STK35: variants seen among roughly 807,000 people sequenced by gnomAD.
STK35 encodes serine/threonine kinase 35.
A neutral mutation model predicts 37.3 loss-of-function variants in STK35; 17 were observed. That is an observed-to-expected ratio of 0.46 (90% CI 0.31 to 0.68). The LOEUF (loss-of-function observed/expected upper bound fraction) is 0.68, where lower values mean the gene tolerates loss of function less well. STK35 is among the 30% of genes least tolerant of loss of function. STK35 has a pLI of 0.05. For missense variants in STK35, 595 were observed against 746.7 expected (o/e 0.80, Z 2.37); for synonymous variants, 385 against 319.1 (o/e 1.21, Z -2.20).
At chr20:2,135,361 G>C (rs1315477776) in intron 3 of STK35, among the ~76,000 whole-genome samples, 2 of 152,294 alleles carry the variant, frequency 1.3e-5, no homozygotes, top group African/African-American at 4.8e-5. Context: ...GGCTGGTGGT[G>C]CTCAGTTCCT....
intron 3 of STK35, among the ~76,000 whole-genome samples, chr20:2,127,256 GT>G (rs567328826): frequency 4.8e-5 from 7 of 146,100 alleles, no homozygotes; most frequent in East Asian, 4.0e-4. Context: ...GCACCCCTTT[GT>G]TTTTTTTTTT....
chr20:2,103,726 C>T (rs553325728), intron 2 of STK35, among the ~76,000 whole-genome samples: 3 of 152,228 alleles, frequency 2.0e-5, no homozygotes, highest in South Asian at 2.1e-4. Flanking sequence ...ACTGCGGAGC[C>T]TCCTCACCCC....
At position 2,102,868 on chromosome 20, in the gene STK35, C is replaced by A; in HGVS notation, c.395C>A (p.Ala132Glu). 1 of 1,562,530 alleles carries A rather than the reference C, an allele frequency of 6.4e-7. No individual in the cohort carries two copies. Among genetic ancestry groups the A allele is most frequent in the Non-Finnish European group, 8.6e-7 (1 of 1,162,368 alleles). ...AAPLLLPPPPAAMETGKDGAR... is the reference protein window; with the variant it reads ...AAPLLLPPPPEAMETGKDGAR... Reference sequence around the variant, plus strand: ...CCGTTGCTGCTCCCCCCGCCGCCCGCAGCCATGGAAACGGGGAAGGACGGC... The same window carrying A: ...CCGTTGCTGCTCCCCCCGCCGCCCGAAGCCATGGAAACGGGGAAGGACGGC... Residue 132 changes from alanine (A) to glutamate (E), a missense_variant, in exon 2 of 4, where the codon GCA (alanine) becomes GAA (glutamate). By Grantham distance (107) the Ala-to-Glu change is moderately radical. This residue lies in a region of STK35 where 389 missense variants were observed against 320.0 expected (regional missense o/e 1.22). Transcript: ENST00000381482.
intron 3 of STK35, among the ~76,000 whole-genome samples, chr20:2,118,563 CAG>C (rs1433255027): frequency 6.7e-6 from 1 of 150,302 alleles, no homozygotes; most frequent in Non-Finnish European, 1.5e-5. Context: ...GCCTGGGCAA[CAG>C]AGCGAGACTC....
intron 2 of STK35, among the ~76,000 whole-genome samples, chr20:2,112,704 T>G (rs1985642847): frequency 6.6e-6 from 1 of 152,164 alleles, no homozygotes; most frequent in Admixed American, 6.5e-5. Flanking sequence ...ACTTTTAAAA[T>G]AGTACCTGGA....
rs753478944 is a variant in STK35, at chr20:2,117,172, A to G, written c.1399A>G (p.Ile467Val). Reference sequence around the variant, plus strand: ...CAAGAAGGAGCTCCTGGGGACCTACATTAAACAGGGGACTGAGATCGTCCC... The same window carrying G: ...CAAGAAGGAGCTCCTGGGGACCTACGTTAAACAGGGGACTGAGATCGTCCC... ...ETKKELLGTY[I>V]KQGTEIVPVG... The change falls in exon 3 of 4, where the codon ATT becomes GTT. Residue 467 changes from isoleucine (I) to valine (V), a missense_variant. Ile to Val is a conservative substitution (Grantham distance 29). This residue lies in a region of STK35 where 109 missense variants were observed against 280.3 expected (regional missense o/e 0.39). Transcript: ENST00000381482. This position sits in a 1 kb window ranked among gnomAD's most constrained non-coding sequence, Gnocchi z 4.4. 1 of 1,614,152 alleles carries G rather than the reference A, an allele frequency of 6.2e-7. No individual in the cohort carries two copies. The highest frequency in any genetic ancestry group is 8.5e-7 in the Non-Finnish European group (1 of 1,180,022).
Position 2,103,060 on chromosome 20 carries a change from G to T in STK35, c.587G>T (p.Gly196Val), listed in dbSNP as rs750111661. 1 of 1,568,736 alleles carries T rather than the reference G, an allele frequency of 6.4e-7. No homozygotes were observed. The highest frequency in any genetic ancestry group is 1.1e-5 in the South Asian group (1 of 87,122). Residue 196 changes from glycine (G) to valine (V), a missense_variant, in exon 2 of 4, where the codon GGG becomes GTG. Coordinates refer to ENST00000381482, the MANE Select transcript of STK35 (RefSeq NM_080836.4). ...CGGCGACGGCCTGAGGGCGGTGGCG[G>T]GTCCGCGCGGCCGCGTTACAGCCTG... The part of the protein sequence containing the change: ...LARRRPEGGG[G>V]SARPRYSLLA...
chr20:2,117,313 C>G lies in STK35; in HGVS notation c.1540C>G (p.Pro514Ala). The change falls in exon 3 of 4, where the codon CCA (proline) becomes GCA (alanine). Residue 514 changes from proline to alanine, a missense_variant. By Grantham distance (27) the Pro-to-Ala change is conservative. Around this residue, in one of 3 missense-constraint regions of STK35, gnomAD observed 109 missense variants for 280.3 expected, o/e 0.39. Transcript: ENST00000381482. This position sits in a 1 kb window ranked among gnomAD's most constrained non-coding sequence, Gnocchi z 4.4. ...CTTGAAAGATATGTTAGCTGCTAACCCACAGGACCGGCCTGATGCCTTTGA... is the reference window on the plus strand; with the variant it reads ...CTTGAAAGATATGTTAGCTGCTAACGCACAGGACCGGCCTGATGCCTTTGA... ...QLLKDMLAAN[P>A]QDRPDAFELE... 1 of 1,614,202 alleles carries G rather than the reference C, an allele frequency of 6.2e-7. No homozygotes were observed. Among genetic ancestry groups the G allele is most frequent in the Admixed American group, 1.7e-5 (1 of 60,026 alleles).
intron 3 of STK35, among the ~76,000 whole-genome samples, chr20:2,142,151 A>G (rs542886248): frequency 6.6e-6 from 1 of 152,260 alleles, no homozygotes; most frequent in South Asian, 2.1e-4. Flanking sequence ...CAGATTTAAC[A>G]CGTTTATAGT....
At chr20:2,140,691 G>A (rs1438724252) in intron 3 of STK35, among the ~76,000 whole-genome samples, 1 of 152,188 alleles carries the variant, frequency 6.6e-6, no homozygotes, top group African/African-American at 2.4e-5. Context: ...CCAACAGGAG[G>A]GCCAGAGCCA....
intron 3 of STK35, among the ~76,000 whole-genome samples, chr20:2,133,826 T>C (rs1202988169): frequency 6.6e-6 from 1 of 152,232 alleles, no homozygotes; most frequent in African/African-American, 2.4e-5. Context: ...CTAGGAGCTT[T>C]CACAGTAACT....
chr20:2,104,025 C>T lies in STK35; in HGVS notation c.892+660C>T, dbSNP rs148475918. 5.5e-3 allele frequency among the ~76,000 whole-genome samples: 835 copies of T among 152,316 alleles called. 8 individuals are homozygous for T. Among genetic ancestry groups the T allele is most frequent in the African/African-American group, 0.019 (789 of 41,562 alleles). ...TAACAAAGCATCCGGCATCTTTTCCCTCCGTTTTACATTCTTAATCTTTTT... is the reference window on the plus strand; with the variant it reads ...TAACAAAGCATCCGGCATCTTTTCCTTCCGTTTTACATTCTTAATCTTTTT... On this transcript the variant is annotated intron_variant, in intron 2 of 3. Transcript: ENST00000381482.
chr20:2,111,018 C>T (rs1985607105), intron 2 of STK35, among the ~76,000 whole-genome samples: 1 of 152,194 alleles, frequency 6.6e-6, no homozygotes, highest in African/African-American at 2.4e-5. Flanking sequence ...TTCGAGTAAC[C>T]AGAGAGGAAT....
intron 3 of STK35, among the ~76,000 whole-genome samples, chr20:2,133,904 CT>C (rs546126985): frequency 1.8e-3 from 268 of 152,316 alleles, no homozygotes; most frequent in African/African-American, 6.3e-3. Flanking sequence ...CAGCAGCATG[CT>C]GTCTCGGCTT....
chr20:2,118,490 G>A (rs1985758814), intron 3 of STK35, among the ~76,000 whole-genome samples: 1 of 152,170 alleles, frequency 6.6e-6, no homozygotes, highest in Non-Finnish European at 1.5e-5. Context: ...GCTGAGGCAG[G>A]AGAATGGTGT....
chr20:2,122,376 C>G lies in STK35; in HGVS notation c.*37+4961C>G, dbSNP rs1985834349. 2.6e-5 allele frequency among the ~76,000 whole-genome samples: 4 copies of G among 152,120 alleles called. No homozygotes were observed. In the Middle Eastern group the frequency reaches 0.014, roughly 517 times the overall value. On this transcript the variant is annotated intron_variant, in intron 3 of 3. Coordinates refer to ENST00000381482, the MANE Select transcript of STK35 (RefSeq NM_080836.4). ...AGTTGCATAAGTAAACACACTTGAC[C>G]CCTATACCACCAAGATGAAAAAACA...
chr20:2,102,843 C>A lies in STK35; in HGVS notation c.370C>A (p.Pro124Thr). ...TGAGGCAGGGGGGGCCCGGGCAGCG[C>A]CGTTGCTGCTCCCCCCGCCGCCCGC... ...RDEAGGARAA[P>T]LLLPPPPAAM... The change falls in exon 2 of 4, where the codon CCG becomes ACG. Residue 124 changes from proline (P) to threonine (T), a missense_variant. Physicochemically the swap from Pro to Thr is conservative, Grantham distance 38. Transcript: ENST00000381482. The A allele has an allele frequency of 6.5e-7, 1 of 1,541,676 alleles. No homozygotes were observed. Among genetic ancestry groups the A allele is most frequent in the Non-Finnish European group, 8.7e-7 (1 of 1,151,916 alleles).
chr20:2,116,916 C>T lies in STK35; in HGVS notation c.1143C>T (p.Asp381=), dbSNP rs1985726769. ...GCACCCCCATCCTCAAAGTGGCCGA[C>T]TTTGGACTAAGCAAGGTCTGTGCTG... is the stretch of plus-strand genomic sequence containing the variant. The part of the protein sequence containing the change: ...RSGTPILKVA[D]FGLSKVCAGL... The change falls in exon 3 of 4, where the codon GAC becomes GAT. Residue 381 remains aspartate (D), a synonymous_variant. Coordinates refer to ENST00000381482, the MANE Select transcript of STK35 (RefSeq NM_080836.4). The T allele has an allele frequency of 8.1e-6, 13 of 1,614,180 alleles. No individual in the cohort carries two copies. The highest frequency in any genetic ancestry group is 1.1e-5 in the Non-Finnish European group (13 of 1,180,036).
chr20:2,107,931 C>A (rs1046716895), intron 2 of STK35, among the ~76,000 whole-genome samples: 2 of 152,134 alleles, frequency 1.3e-5, no homozygotes, highest in African/African-American at 2.4e-5. Flanking sequence ...CCCAGTTTCA[C>A]CCTGTAAATA....
Sources: allele counts gnomAD v4.1 joint callset (sites outside exome capture counted in the v4.1 genomes callset), GRCh38; gene constraint gnomAD v4.1.1; regional missense constraint gnomAD v4.1.1; non-coding constraint Gnocchi (gnomAD v3.1); transcripts MANE v1.5; gene names NCBI Gene and HGNC (gene_info 2026-07-23, HGNC 2026-07-21).